The following SEMA5A variants were observed in gnomAD, a reference collection of about 807,000 sequenced individuals.
SEMA5A encodes semaphorin-5A.
Under a neutral mutation model 135.5 loss-of-function variants are expected in SEMA5A, and 55 were observed. The ratio of observed to expected loss-of-function variants is 0.41; its 90% CI spans 0.33 to 0.51. SEMA5A has a LOEUF of 0.51. Ranked by LOEUF, SEMA5A falls within the 20% of genes least tolerant of loss-of-function variation. The pLI, the probability that SEMA5A is intolerant of heterozygous loss-of-function variation, is 0.37. For synonymous variants in SEMA5A, 580 were observed against 546.5 expected (o/e 1.06, Z -0.85); for missense variants, 1,290 against 1,419.9 (o/e 0.91, Z 1.47).
chr5:9,341,617 T>C (rs899227757), intron 3 of SEMA5A, among the ~76,000 whole-genome samples: 2 of 149,020 alleles, frequency 1.3e-5, no homozygotes, highest in African/African-American at 2.5e-5. Context: ...TATGATGAAA[T>C]GGAGCTTAAA....
intron 2 of SEMA5A, among the ~76,000 whole-genome samples, chr5:9,398,534 G>A (rs1194429646): frequency 6.6e-6 from 1 of 152,188 alleles, no homozygotes; most frequent in Non-Finnish European, 1.5e-5. Context: ...AACACATTGA[G>A]AAAATAATTT....
At position 9,157,449 on chromosome 5, in the gene SEMA5A, C is replaced by A. The variant is rs901422207; in HGVS notation, c.1274-2754G>T. Among the ~76,000 whole-genome samples the A allele has an allele frequency of 5.3e-5, 8 of 152,314 alleles. 1 individual carries two copies. In the South Asian group the frequency reaches 1.7e-3, roughly 32 times the overall value. On this transcript the variant is annotated intron_variant, in intron 11 of 22. Transcript: ENST00000382496. ...TACCAGCATGTCCCACCTCCTGTGA[C>A]CTTGTCTAAGGGACAGCAGCACCAT...
chr5:9,522,367 G>C (rs1736882566), intron 1 of SEMA5A, among the ~76,000 whole-genome samples: 1 of 152,130 alleles, frequency 6.6e-6, no homozygotes, highest in South Asian at 2.1e-4. Flanking sequence ...CAGATCACCT[G>C]AGGTCAGGAG....
At chr5:9,432,975 C>A (rs1757908766) in intron 2 of SEMA5A, among the ~76,000 whole-genome samples, 1 of 152,096 alleles carries the variant, frequency 6.6e-6, no homozygotes, top group Non-Finnish European at 1.5e-5. Context: ...ATAGAAAGTT[C>A]CCTTCTCCCT....
intron 2 of SEMA5A, among the ~76,000 whole-genome samples, chr5:9,430,848 G>GT (rs113300584): frequency 7.1e-4 from 103 of 145,270 alleles, no homozygotes; most frequent in East Asian, 1.8e-3. Context: ...TTTGTTTTTT[G>GT]TTTTTTTTTT....
intron 16 of SEMA5A, among the ~76,000 whole-genome samples, chr5:9,102,963 G>C (rs1739709752): frequency 6.6e-6 from 1 of 152,200 alleles, no homozygotes; most frequent in African/African-American, 2.4e-5. Context: ...AGACTGTTGA[G>C]AAATACGACT....
At chr5:9,244,448 C>A (rs1748377092) in intron 5 of SEMA5A, among the ~76,000 whole-genome samples, 1 of 152,200 alleles carries the variant, frequency 6.6e-6, no homozygotes, top group Admixed American at 6.5e-5. Context: ...GGAATACTTT[C>A]CTCCAGATGC....
rs1423241280 is a variant in SEMA5A, at chr5:9,437,813, A to T, written c.-135T>A. Reference sequence around the variant, plus strand: ...CAATCATGAATCACACTGACTCCACAGCCACGTGGGCACTCCAGCCCAAGT... The same window carrying T: ...CAATCATGAATCACACTGACTCCACTGCCACGTGGGCACTCCAGCCCAAGT... On this transcript the variant is annotated 5_prime_UTR_variant, in exon 2 of 23. Transcript: ENST00000382496. 6.6e-6 allele frequency: 1 copy of T among 152,552 alleles called. No individual in the cohort carries two copies. The highest frequency in any genetic ancestry group is 2.4e-5 in the African/African-American group (1 of 41,458). The allele number at this position is 152,552 out of a possible 1,614,324, so 9.4% of individuals were successfully genotyped here.
At chr5:9,185,172 C>A (rs1242197871) in intron 11 of SEMA5A, among the ~76,000 whole-genome samples, 2 of 152,202 alleles carry the variant, frequency 1.3e-5, no homozygotes, top group African/African-American at 2.4e-5. Context: ...GAGTGATTCT[C>A]CTGTTTTGTC....
chr5:9,494,222 G>A (rs532032849), intron 1 of SEMA5A, among the ~76,000 whole-genome samples: 41 of 152,134 alleles, frequency 2.7e-4, no homozygotes, highest in African/African-American at 9.6e-4. Context: ...CCTATCTCTG[G>A]GGGCTATAGG....
chr5:9,484,570 G>A (rs1442102735), intron 1 of SEMA5A, among the ~76,000 whole-genome samples: 1 of 152,178 alleles, frequency 6.6e-6, no homozygotes, highest in Non-Finnish European at 1.5e-5. Context: ...ACTCTGTAGA[G>A]TTTATGGTAG....
At chr5:9,423,401 T>C (rs1757537465) in intron 2 of SEMA5A, among the ~76,000 whole-genome samples, 1 of 152,254 alleles carries the variant, frequency 6.6e-6, no homozygotes, top group South Asian at 2.1e-4. Context: ...TCTTGATCAT[T>C]GTGCAGTACA....
At chr5:9,100,168 C>T (rs1379736480) in intron 16 of SEMA5A, among the ~76,000 whole-genome samples, 1 of 152,056 alleles carries the variant, frequency 6.6e-6, no homozygotes, top group Non-Finnish European at 1.5e-5. Flanking sequence ...CAGGAGGGCT[C>T]CAGATTGTGT....
chr5:9,460,048 A>T (rs1344459304), intron 1 of SEMA5A, among the ~76,000 whole-genome samples: 1 of 152,226 alleles, frequency 6.6e-6, no homozygotes, highest in South Asian at 2.1e-4. Context: ...TACCATGGAG[A>T]GTTCAGCTTT....
At chr5:9,053,192 A>C (rs1479725424) in intron 19 of SEMA5A, among the ~76,000 whole-genome samples, 4 of 152,136 alleles carry the variant, frequency 2.6e-5, no homozygotes, top group African/African-American at 9.7e-5. Context: ...TATTTCTGGG[A>C]TGGTGGTGGT....
chr5:9,103,537 T>C (rs1183275588), intron 16 of SEMA5A, among the ~76,000 whole-genome samples: 1 of 152,200 alleles, frequency 6.6e-6, no homozygotes, highest in Non-Finnish European at 1.5e-5. Flanking sequence ...ATCTAGGAAA[T>C]AAATATCTCC....
intron 5 of SEMA5A, among the ~76,000 whole-genome samples, chr5:9,316,273 C>T (rs1752385005): frequency 6.6e-6 from 1 of 152,142 alleles, no homozygotes; most frequent in African/African-American, 2.4e-5. Flanking sequence ...CTCTTCCAGT[C>T]TTATCTGAGT....
intron 1 of SEMA5A, among the ~76,000 whole-genome samples, chr5:9,439,340 G>A (rs566970796): frequency 6.6e-6 from 1 of 152,304 alleles, no homozygotes; most frequent in South Asian, 2.1e-4. Context: ...TAAATGGCAT[G>A]TTTGAATACA....
At chr5:9,143,176 T>C (rs1742158589) in intron 12 of SEMA5A, among the ~76,000 whole-genome samples, 1 of 152,174 alleles carries the variant, frequency 6.6e-6, no homozygotes, top group African/African-American at 2.4e-5. Flanking sequence ...AAAAAGGTTT[T>C]TTTGAGATGG....
Sources: gnomAD v4.1 joint callset for allele counts (sites outside exome capture counted in the v4.1 genomes callset) on GRCh38, gnomAD v4.1.1 for gene constraint, MANE v1.5 for transcripts, NCBI Gene and HGNC (gene_info 2026-07-23, HGNC 2026-07-21) for gene names.